Variants in MYEF2 observed in about 807,000 individuals in gnomAD.
The protein encoded by MYEF2 is myelin gene expression factor 2.
A neutral mutation model predicts 75.2 loss-of-function variants in MYEF2; 37 were observed. The ratio of observed to expected loss-of-function variants is 0.49; its 90% confidence interval spans 0.38 to 0.65. MYEF2 has a LOEUF of 0.65. Among genes scored for constraint, MYEF2 ranks in the 30% least tolerant of loss-of-function variants. The pLI is 0.00. For synonymous variants in MYEF2, 195 were observed against 241.6 expected (o/e 0.81, Z 1.79); for missense variants, 634 against 771.4 (o/e 0.82, Z 2.11).
chr15:48,159,853 T>A, intron 5 of MYEF2, 49 bp from the exon 6 acceptor site: 4 of 1,523,428 alleles, frequency 2.6e-6, no homozygotes, highest in Non-Finnish European at 3.6e-6. Flanking sequence ...TCACTAATTC[T>A]ACAAAATTAA....
intron 5 of MYEF2, among the ~76,000 whole-genome samples, chr15:48,165,389 G>A (rs1413451253): frequency 6.6e-6 from 1 of 151,984 alleles, no homozygotes; most frequent in Non-Finnish European, 1.5e-5. Flanking sequence ...TGTTTACACT[G>A]CTACAATTTT....
At chr15:48,146,736 G>A (rs2039298439) in intron 16 of MYEF2, among the ~76,000 whole-genome samples, 1 of 151,942 alleles carries the variant, frequency 6.6e-6, no homozygotes, top group Non-Finnish European at 1.5e-5. Context: ...ACAGAAGACT[G>A]CCTTTTACTG....
chr15:48,154,861 C>T (rs573691997), intron 9 of MYEF2, among the ~76,000 whole-genome samples: 83 of 151,730 alleles, frequency 5.5e-4, no homozygotes, highest in African/African-American at 1.9e-3. Context: ...TAGTACAGAA[C>T]TAATAATACA....
rs373106318 is a variant in MYEF2, at chr15:48,167,942, TA to T, written c.371-542del. On this transcript the variant is annotated intron_variant, in intron 2 of 16. Coordinates refer to ENST00000324324, the MANE Select transcript of MYEF2 (RefSeq NM_016132.5). Reference sequence around the variant, plus strand: ...TTACAACAGATACACCAATGCAATTTAAAAAAAAAAATTTATTAGAAGAGAT... The same window carrying T: ...TTACAACAGATACACCAATGCAATTTAAAAAAAAAATTTATTAGAAGAGAT... 3.8e-4 allele frequency among the ~76,000 whole-genome samples: 57 copies of T among 149,286 alleles called. 1 individual carries two copies. Among genetic ancestry groups the T allele is most frequent in the East Asian group, 2.9e-3 (15 of 5,128 alleles).
chr15:48,143,235 C>A (rs1036431826), intron 16 of MYEF2, among the ~76,000 whole-genome samples, 164 bp from the exon 17 acceptor site: 3 of 151,648 alleles, frequency 2.0e-5, no homozygotes, highest in African/African-American at 7.3e-5. Context: ...AAATACAATT[C>A]ATACAAAGTA....
At chr15:48,150,686 A>G (rs976561378) in intron 14 of MYEF2, among the ~76,000 whole-genome samples, 2 of 152,012 alleles carry the variant, frequency 1.3e-5, no homozygotes, top group Admixed American at 6.6e-5. Context: ...GATGCCTAAG[A>G]GTGCTATATC....
At chr15:48,171,318 G>C (rs2040333875) in intron 1 of MYEF2, among the ~76,000 whole-genome samples, 1 of 152,056 alleles carries the variant, frequency 6.6e-6, no homozygotes, top group African/African-American at 2.4e-5. Context: ...TTTCTTCCTG[G>C]ATTAAACCAA....
At chr15:48,159,463 T>C in intron 6 of MYEF2, 150 bp downstream of exon 6, 1 of 650,122 alleles carries the variant, frequency 1.5e-6, no homozygotes, top group Non-Finnish European at 2.6e-6. Flanking sequence ...TATATGTATA[T>C]ACGTCAATTG....
In MYEF2 at chr15:48,140,669, A is replaced by G. The variant is rs1874779019; in HGVS notation, c.*2239T>C. The G allele has an allele frequency of 6.5e-6, 1 of 153,596 alleles. No homozygotes were observed. Among genetic ancestry groups the G allele is most frequent in the Admixed American group, 6.5e-5 (1 of 15,494 alleles). 9.5% of individuals were successfully genotyped at this position (153,596 alleles called of 1,614,324 possible). On this transcript the variant is annotated 3_prime_UTR_variant, in exon 17 of 17. Transcript: ENST00000324324. Reference sequence around the variant, plus strand: ...AGGTATATCACTAAAGTAGAACATAATAAATGGTATATATACATGTTAACA... The same window carrying G: ...AGGTATATCACTAAAGTAGAACATAGTAAATGGTATATATACATGTTAACA...
At chr15:48,153,675 TA>T in intron 10 of MYEF2, 116 bp downstream of exon 10, 1 of 782,320 alleles carries the variant, frequency 1.3e-6, no homozygotes, top group Non-Finnish European at 2.0e-6. Context: ...AGTGACACCG[TA>T]AATATCTAAC....
Position 48,141,295 on chromosome 15 carries a change from C to A in MYEF2, c.*1613G>T. 8.3e-7 allele frequency: 1 copy of A among 1,206,854 alleles called. No individual in the cohort carries two copies. Among genetic ancestry groups the A allele is most frequent in the Admixed American group, 1.9e-5 (1 of 52,374 alleles). 74.8% of individuals were successfully genotyped at this position (1,206,854 alleles called of 1,614,324 possible). A position where few individuals can be genotyped will look rare whatever the true frequency, so the allele number is the denominator to read the frequency against. ...AAAGTAGCTTTAAAAATGTTTACTT[C>A]CAGCCGGGTGTGGTGGCTCGCGCCT... On this transcript the variant is annotated 3_prime_UTR_variant, in exon 17 of 17. Transcript: ENST00000324324.
chr15:48,152,041 C>T, intron 11 of MYEF2, 99 bp from the exon 12 acceptor site: 1 of 1,284,364 alleles, frequency 7.8e-7, no homozygotes, highest in South Asian at 1.2e-5. Context: ...TCTTCATCCA[C>T]CCTACCTTGT....
Position 48,138,106 on chromosome 15 carries a change from A to C in MYEF2, c.*4802T>G, listed in dbSNP as rs1222795791. The C allele has an allele frequency of 1.3e-5, 2 of 152,088 alleles. No homozygotes were observed. Among genetic ancestry groups the C allele is most frequent in the Non-Finnish European group, 2.9e-5 (2 of 67,964 alleles). The allele number at this position is 152,088 out of a possible 1,614,324, so 9.4% of individuals were successfully genotyped here. A position where few individuals can be genotyped will look rare whatever the true frequency, so the allele number is the denominator to read the frequency against. ...AAGTTTATAATAAGAAACGCAAAAG[A>C]ACCAATCCAAATTCTTTGATTATGT... is the stretch of plus-strand genomic sequence containing the variant. On this transcript the variant is annotated 3_prime_UTR_variant, in exon 17 of 17. Transcript: ENST00000324324.
intron 5 of MYEF2, among the ~76,000 whole-genome samples, chr15:48,163,554 A>G (rs1464950430): frequency 6.6e-6 from 1 of 152,210 alleles, no homozygotes; most frequent in African/African-American, 2.4e-5. Context: ...CATTGATGAG[A>G]TGGCTACACT....
intron 11 of MYEF2, 32 bp from the exon 12 acceptor site, chr15:48,151,974 C>T: frequency 6.3e-7 from 1 of 1,598,966 alleles, no homozygotes; most frequent in Non-Finnish European, 8.6e-7. Flanking sequence ...TGAGATCCAA[C>T]TGTCAGTCAT....
intron 1 of MYEF2, among the ~76,000 whole-genome samples, chr15:48,173,504 G>T (rs2040412025): frequency 6.6e-6 from 1 of 152,058 alleles, no homozygotes; most frequent in African/African-American, 2.4e-5. Context: ...GAGCAATTAG[G>T]CAAATAAAAG....
chr15:48,177,683 C>G (rs1193948119), intron 1 of MYEF2, among the ~76,000 whole-genome samples: 1 of 152,022 alleles, frequency 6.6e-6, no homozygotes, highest in African/African-American at 2.4e-5. Flanking sequence ...ATGATGTCAT[C>G]CCTAGATACT....
chr15:48,157,362 G>A (rs1000509603), intron 9 of MYEF2: 8 of 152,184 alleles, frequency 5.3e-5, no homozygotes, highest in Admixed American at 3.9e-4. Context: ...ACTAACCCAT[G>A]AGAACTGTAA....
At chr15:48,151,969 T>C in intron 11 of MYEF2, 27 bp from the exon 12 acceptor site, 1 of 1,604,920 alleles carries the variant, frequency 6.2e-7, no homozygotes, top group Non-Finnish European at 8.5e-7. Flanking sequence ...AATTTTGAGA[T>C]CCAACTGTCA....
Sources: gnomAD v4.1 joint callset for allele counts (sites outside exome capture counted in the v4.1 genomes callset) on GRCh38, gnomAD v4.1.1 for gene constraint, MANE v1.5 for transcripts, NCBI Gene and HGNC (gene_info 2026-07-23, HGNC 2026-07-21) for gene names.